Variants in ENTPD1 observed in about 807,000 individuals in gnomAD.
ENTPD1 encodes ATP diphosphohydrolase.
In ENTPD1, 33 loss-of-function variants were observed where a neutral mutation model predicts 57.0. The ratio of observed to expected loss-of-function variants is 0.58; its 90% CI spans 0.44 to 0.77. The LOEUF (loss-of-function observed/expected upper bound fraction) is 0.77, where lower values mean the gene tolerates loss of function less well. ENTPD1 is among the 30% of genes least tolerant of loss of function. The pLI is 0.00. For missense variants in ENTPD1, 501 were observed against 603.4 expected (o/e 0.83, Z 1.78); for synonymous variants, 202 against 218.8 (o/e 0.92, Z 0.68).
At position 95,862,295 on chromosome 10, in the gene ENTPD1, G is replaced by T. The variant is rs533009992; in HGVS notation, c.1188+1713G>T. Reference sequence around the variant, plus strand: ...AGGGTTCACTTTCCCAAGCTGCATCGTCCACCCAGGTAGAAAGCATAGTTT... The same window carrying T: ...AGGGTTCACTTTCCCAAGCTGCATCTTCCACCCAGGTAGAAAGCATAGTTT... On this transcript the variant is annotated intron_variant, in intron 8 of 9. Coordinates refer to ENST00000371205, the MANE Select transcript of ENTPD1 (RefSeq NM_001776.6). 2.0e-5 allele frequency among the ~76,000 whole-genome samples: 3 copies of T among 152,158 alleles called. 1 individual carries two copies. Among genetic ancestry groups the T allele is most frequent in the Admixed American group, 1.3e-4 (2 of 15,274 alleles).
chr10:95,872,066 T>G lies in ENTPD1; in HGVS notation c.*5683T>G, dbSNP rs2098481101. The G allele has an allele frequency of 2.0e-6, 2 of 985,350 alleles. No individual in the cohort carries two copies. Among genetic ancestry groups the G allele is most frequent in the Admixed American group, 1.2e-4 (2 of 16,264 alleles). 61.0% of individuals were successfully genotyped at this position (985,350 alleles called of 1,614,324 possible). ...CTCCATCACTGGGACCTCCCCATTC[T>G]GCCTGTGCAATATTTTTCTTTTTTA... On this transcript the variant is annotated 3_prime_UTR_variant, in exon 10 of 10. Transcript: ENST00000371205.
rs2098474803 is a variant in ENTPD1 at position 95,866,584 on chromosome 10, T to C, written c.*201T>C. On this transcript the variant is annotated 3_prime_UTR_variant, in exon 10 of 10. Transcript: ENST00000371205. ...GCCTCAAGGACTTCGGCAGATACTG[T>C]CTCTTTCATGAGTTTTTCCCAGCTA... 1.4e-6 allele frequency: 2 copies of C among 1,430,192 alleles called. No homozygotes were observed. Among genetic ancestry groups the C allele is most frequent in the South Asian group, 1.5e-5 (1 of 68,388 alleles). 88.6% of individuals were successfully genotyped at this position (1,430,192 alleles called of 1,614,324 possible).
Position 95,871,037 on chromosome 10 carries a change from T to C in ENTPD1, c.*4654T>C. ...GAGGCTCGTGAAAGTGAGAGGAAAC[T>C]AGGATGCCTCTTAAGGTCTTGGTCA... On this transcript the variant is annotated 3_prime_UTR_variant, in exon 10 of 10. Transcript: ENST00000371205. The C allele has an allele frequency of 1.0e-6, 1 of 985,344 alleles. No homozygotes were observed. The highest frequency in any genetic ancestry group is 1.2e-6 in the Non-Finnish European group (1 of 829,928). 61.0% of individuals were successfully genotyped at this position (985,344 alleles called of 1,614,324 possible). A position where few individuals can be genotyped will look rare whatever the true frequency, so the allele number is the denominator to read the frequency against.
chr10:95,837,797 T>C (rs938575025), intron 2 of ENTPD1, among the ~76,000 whole-genome samples: 1 of 152,160 alleles, frequency 6.6e-6, no homozygotes, highest in African/African-American at 2.4e-5. Flanking sequence ...CTTAGATTCA[T>C]AGCAGATGAT....
intron 7 of ENTPD1, among the ~76,000 whole-genome samples, chr10:95,858,823 T>C (rs3181121): frequency 0.073 from 11,123 of 152,128 alleles, 448 homozygotes; most frequent in African/African-American, 0.095. Flanking sequence ...AGAGAGTTGT[T>C]GAATAAATTA....
At chr10:95,770,152 G>A (rs1388954137) in intron 1 of ENTPD1, among the ~76,000 whole-genome samples, 2 of 150,298 alleles carry the variant, frequency 1.3e-5, no homozygotes, top group South Asian at 2.1e-4. Flanking sequence ...AAAAAAAAAC[G>A]ACAATGCTCT....
intron 1 of ENTPD1, among the ~76,000 whole-genome samples, chr10:95,747,783 G>A (rs2098007632): frequency 6.6e-6 from 1 of 152,092 alleles, no homozygotes; most frequent in Non-Finnish European, 1.5e-5. Context: ...AAATTGCATG[G>A]TGAATATACT....
chr10:95,756,195 G>A lies in ENTPD1; in HGVS notation c.-45G>A, dbSNP rs572162931. On this transcript the variant is annotated 5_prime_UTR_variant, in exon 1 of 10. Coordinates refer to ENST00000371205, the MANE Select transcript of ENTPD1 (RefSeq NM_001776.6). ...CGGACCACAGCAAGCAGAGGCTGGG[G>A]GGGGGAAAGACGAGGAAAGAGGAGG... 29 of 1,580,722 alleles carry A rather than the reference G, an allele frequency of 1.8e-5. No individual in the cohort carries two copies. The East Asian group carries it at 2.8e-4, about 15-fold the overall frequency.
the ENTPD1 span, among the ~76,000 whole-genome samples, chr10:95,701,891 ACT>A: frequency 6.6e-6 from 1 of 152,138 alleles, no homozygotes; most frequent in African/African-American, 2.4e-5. Context: ...AAGTTAAACA[ACT>A]AGAATACATA....
chr10:95,707,424 C>T (rs1408939517), upstream of ENTPD1, among the ~76,000 whole-genome samples: 13 of 152,164 alleles, frequency 8.5e-5, no homozygotes, highest in Admixed American at 8.5e-4. Flanking sequence ...CCATGGAGTG[C>T]CCAGGCCCAG....
In ENTPD1 at chr10:95,828,743, T is replaced by C. The variant is rs2140643748; in HGVS notation, c.144+5379T>C. Among the ~76,000 whole-genome samples, 2 of 147,628 alleles carry C rather than the reference T, an allele frequency of 1.4e-5. 1 individual carries two copies. The highest frequency in any genetic ancestry group is 4.0e-4 in the East Asian group (2 of 5,056). On this transcript the variant is annotated intron_variant, in intron 2 of 9. Transcript: ENST00000371205. ...TTTTTTTTTTGAGACGGAGTTTTGC[T>C]CTTGTTGCCCAGGCTGGAGCGCAGT...
Position 95,760,814 on chromosome 10 carries a change from C to CTTTT in ENTPD1, c.16+4589_16+4592dup, listed in dbSNP as rs71034350. Among the ~76,000 whole-genome samples, 387 of 62,966 alleles carry CTTTT rather than the reference C, an allele frequency of 6.1e-3. 54 individuals carry two copies. Among genetic ancestry groups the CTTTT allele is most frequent in the East Asian group, 0.015 (23 of 1,512 alleles). The allele number at this position is 62,966 out of a possible 152,430, so 41.3% of individuals were successfully genotyped here. A position where few individuals can be genotyped will look rare whatever the true frequency, so the allele number is the denominator to read the frequency against. ...TGGAGTAAATTACATAGAGTTTATTCTTTTTTTTTTTTTTTTTTTTTTTTT... is the reference window on the plus strand; with the variant it reads ...TGGAGTAAATTACATAGAGTTTATTCTTTTTTTTTTTTTTTTTTTTTTTTTTTTT... On this transcript the variant is annotated intron_variant, in intron 1 of 9. Coordinates refer to ENST00000371205, the MANE Select transcript of ENTPD1 (RefSeq NM_001776.6).
chr10:95,701,191 T>C, the ENTPD1 span, among the ~76,000 whole-genome samples: 1 of 152,328 alleles, frequency 6.6e-6, no homozygotes, highest in Admixed American at 6.5e-5. Flanking sequence ...TGCAGTGGCT[T>C]GTGCCTATAA....
At position 95,756,196 on chromosome 10, in the gene ENTPD1, G is replaced by GA; in HGVS notation, c.-44_-43insA. ...GGACCACAGCAAGCAGAGGCTGGGG[G>GA]GGGGAAAGACGAGGAAAGAGGAGGA... is the stretch of plus-strand genomic sequence containing the variant. On this transcript the variant is annotated 5_prime_UTR_variant, in exon 1 of 10. Coordinates refer to ENST00000371205, the MANE Select transcript of ENTPD1 (RefSeq NM_001776.6). 2 of 1,580,942 alleles carry GA rather than the reference G, an allele frequency of 1.3e-6. No individual in the cohort carries two copies. The highest frequency in any genetic ancestry group is 1.2e-5 in the South Asian group (1 of 86,750).
chr10:95,867,909 G>C lies in ENTPD1; in HGVS notation c.*1526G>C. 1 of 985,426 alleles carries C rather than the reference G, an allele frequency of 1.0e-6. No individual in the cohort carries two copies. Among genetic ancestry groups the C allele is most frequent in the Non-Finnish European group, 1.2e-6 (1 of 829,926 alleles). The allele number at this position is 985,426 out of a possible 1,614,324, so 61.0% of individuals were successfully genotyped here. On this transcript the variant is annotated 3_prime_UTR_variant, in exon 10 of 10. Coordinates refer to ENST00000371205, the MANE Select transcript of ENTPD1 (RefSeq NM_001776.6). ...TAAAAACTTAATAAAGCTGTGGAAA[G>C]GAACTCTTAATCTTCTTTTCTGCTA...
In ENTPD1 at chr10:95,874,845, T is replaced by C. The variant is rs1265040382; in HGVS notation, c.*8462T>C. Among the ~76,000 whole-genome samples the C allele has an allele frequency of 6.6e-6, 1 of 152,246 alleles. No individual in the cohort carries two copies. The highest frequency in any genetic ancestry group is 1.5e-5 in the Non-Finnish European group (1 of 68,050). The stretch of plus-strand genomic sequence containing the variant: ...CTCAACATCACATGGAAGCTGCCAA[T>C]GCTTGGGGCCTCTACCCTCTGAAGC... On this transcript the variant is annotated 3_prime_UTR_variant, in exon 10 of 10. Coordinates refer to ENST00000371205, the MANE Select transcript of ENTPD1 (RefSeq NM_001776.6).
chr10:95,797,242 T>G (rs1027691114), intron 1 of ENTPD1, among the ~76,000 whole-genome samples: 1 of 151,740 alleles, frequency 6.6e-6, no homozygotes, highest in Admixed American at 6.6e-5. Flanking sequence ...TAATTTAGAG[T>G]GGGTAAAAAG....
chr10:95,809,079 T>A (rs1244092115), intron 1 of ENTPD1, among the ~76,000 whole-genome samples: 1 of 152,126 alleles, frequency 6.6e-6, no homozygotes, highest in Non-Finnish European at 1.5e-5. Context: ...GCAGAAGAAT[T>A]TTTCTTAGTA....
At position 95,725,632 on chromosome 10, in the gene ENTPD1, G is replaced by A. The variant is rs11188453; in HGVS notation, c.37+13639G>A. ...CATGTCTACTTTAGTTTAGTGGACA[G>A]CCTACACTTTAGGAGAGGTTGTGTT... On this transcript the variant is annotated intron_variant, in intron 1 of 9. Transcript: ENST00000453258. 2.0e-5 allele frequency among the ~76,000 whole-genome samples: 3 copies of A among 152,218 alleles called. No homozygotes were observed. The East Asian group carries it at 5.8e-4, about 29-fold the overall frequency.
Sources: allele counts gnomAD v4.1 joint callset (sites outside exome capture counted in the v4.1 genomes callset), GRCh38; gene constraint gnomAD v4.1.1; transcripts MANE v1.5; gene names NCBI Gene and HGNC (gene_info 2026-07-23, HGNC 2026-07-21).